The following MTSS1 variants were observed in gnomAD, a reference collection of about 807,000 sequenced individuals.
The protein encoded by MTSS1 is protein MTSS 1.
MTSS1 carries 18 observed loss-of-function variants against 79.0 expected under a neutral mutation model. The observed-to-expected ratio is 0.23, with a 90% CI of 0.16 to 0.34. The LOEUF is 0.34. Ranked by LOEUF, MTSS1 falls within the 10% of genes least tolerant of loss-of-function variation. The probability of loss-of-function intolerance (pLI) is 1.00; values close to 1 mark genes in which losing one functional copy is unlikely to be tolerated. For synonymous variants in MTSS1, 341 were observed against 368.6 expected, an observed-to-expected ratio of 0.93 and a Z score of 0.86; for missense variants, 815 against 986.2, an observed-to-expected ratio of 0.83 and a Z score of 2.33.
Position 124,552,904 on chromosome 8 carries a change from TTG to T in MTSS1, c.*86_*87del. ...TATTCCGAGTTGCCTACAAAATCTT[TTG>T]TTTTATTATAGAGTGGAATGGATCA... On this transcript the variant is annotated 3_prime_UTR_variant, in exon 14 of 14. Coordinates refer to ENST00000518547, the MANE Select transcript of MTSS1 (RefSeq NM_014751.6). 1 of 1,365,268 alleles carries T rather than the reference TTG, an allele frequency of 7.3e-7. No individual in the cohort carries two copies. The highest frequency in any genetic ancestry group is 1.0e-6 in the Non-Finnish European group (1 of 999,748). 84.6% of individuals were successfully genotyped at this position (1,365,268 alleles called of 1,614,324 possible). A position where few individuals can be genotyped will look rare whatever the true frequency, so the allele number is the denominator to read the frequency against.
chr8:124,690,459 G>C (rs549216777), intron 3 of MTSS1, among the ~76,000 whole-genome samples: 1 of 152,274 alleles, frequency 6.6e-6, no homozygotes, highest in South Asian at 2.1e-4. Context: ...GATATGTTTT[G>C]GTAAATGTGG....
At chr8:124,712,299 T>C (rs955184133) in intron 1 of MTSS1, among the ~76,000 whole-genome samples, 3 of 152,088 alleles carry the variant, frequency 2.0e-5, no homozygotes, top group Admixed American at 6.5e-5. Context: ...GTGAGGAACA[T>C]AGCCAACAGC....
At chr8:124,672,973 A>G (rs921897424) in intron 3 of MTSS1, among the ~76,000 whole-genome samples, 5 of 152,162 alleles carry the variant, frequency 3.3e-5, no homozygotes, top group Admixed American at 3.3e-4. Flanking sequence ...TTTATTGTCC[A>G]GGAAAGAGAG....
chr8:124,621,448 G>A (rs982403382), intron 3 of MTSS1, among the ~76,000 whole-genome samples: 1 of 152,202 alleles, frequency 6.6e-6, no homozygotes, highest in African/African-American at 2.4e-5. Context: ...CAGGCCCATG[G>A]GCAGAAGGGG....
intron 3 of MTSS1, among the ~76,000 whole-genome samples, chr8:124,676,493 G>A (rs1350095895): frequency 6.6e-6 from 1 of 152,228 alleles, no homozygotes; most frequent in African/African-American, 2.4e-5. Context: ...GTGGACAGAC[G>A]CAAATGTGAG....
At chr8:124,590,311 C>G (rs546626004) in intron 4 of MTSS1, among the ~76,000 whole-genome samples, 1 of 152,322 alleles carries the variant, frequency 6.6e-6, no homozygotes, top group East Asian at 1.9e-4. Context: ...CAACAGGGAC[C>G]CCCAAAATGC....
intron 10 of MTSS1, 31 bp from the exon 11 acceptor site, chr8:124,557,906 G>GAAAA: frequency 1.3e-6 from 2 of 1,505,862 alleles, no homozygotes; most frequent in Admixed American, 2.1e-5. Flanking sequence ...GGGGGGGGAA[G>GAAAA]GAAAAAAAAT....
chr8:124,674,911 G>A (rs1275423440), intron 3 of MTSS1, among the ~76,000 whole-genome samples: 5 of 151,704 alleles, frequency 3.3e-5, no homozygotes, highest in African/African-American at 1.2e-4. Flanking sequence ...TAGTAGAGAC[G>A]GGGTTTTACC....
chr8:124,701,820 A>G (rs1341082751), intron 2 of MTSS1, among the ~76,000 whole-genome samples: 2 of 152,250 alleles, frequency 1.3e-5, no homozygotes, highest in African/African-American at 4.8e-5. Flanking sequence ...ACAGAAACAC[A>G]GAGGAGTGAT....
intron 6 of MTSS1, among the ~76,000 whole-genome samples, chr8:124,572,061 C>T (rs1042930960): frequency 6.6e-6 from 1 of 152,032 alleles, no homozygotes; most frequent in African/African-American, 2.4e-5. Context: ...AGTTATAAGG[C>T]ACATGTCTAT....
intron 3 of MTSS1, among the ~76,000 whole-genome samples, chr8:124,672,328 T>C (rs1015716602): frequency 2.0e-5 from 3 of 152,122 alleles, no homozygotes; most frequent in Non-Finnish European, 4.4e-5. Flanking sequence ...ACCCCATCTC[T>C]ACCAAAAATA....
At chr8:124,603,953 G>A (rs1834358115) in intron 3 of MTSS1, among the ~76,000 whole-genome samples, 1 of 152,104 alleles carries the variant, frequency 6.6e-6, no homozygotes. Context: ...AATGATAGCT[G>A]ATGAGCTAAA....
In MTSS1 at chr8:124,724,976, G is replaced by A. The variant is rs114992796; in HGVS notation, c.72+2908C>T. ...ACTCACACCAGCCAATTTGATCAGC[G>A]ATTTACTAATTTGCATGGATGGGAG... is the stretch of plus-strand genomic sequence containing the variant. On this transcript the variant is annotated intron_variant, in intron 1 of 13. Transcript: ENST00000518547. 8.6e-3 allele frequency among the ~76,000 whole-genome samples: 1,311 copies of A among 152,248 alleles called. 16 individuals are homozygous for A. Among genetic ancestry groups the A allele is most frequent in the African/African-American group, 0.029 (1,220 of 41,530 alleles).
At chr8:124,640,072 C>G (rs1817742027) in intron 3 of MTSS1, among the ~76,000 whole-genome samples, 1 of 152,212 alleles carries the variant, frequency 6.6e-6, no homozygotes, top group African/African-American at 2.4e-5. Context: ...CAGTGCTGGA[C>G]AGTTGTCCAT....
chr8:124,656,038 A>G (rs1391544993), intron 3 of MTSS1, among the ~76,000 whole-genome samples: 3 of 152,230 alleles, frequency 2.0e-5, no homozygotes, highest in Non-Finnish European at 4.4e-5. Context: ...TGATATAATC[A>G]GAAGGAGAAA....
intron 3 of MTSS1, among the ~76,000 whole-genome samples, chr8:124,626,949 C>T (rs993383729): frequency 7.2e-5 from 11 of 152,208 alleles, no homozygotes; most frequent in South Asian, 2.1e-4. Context: ...GTCAGCAGCC[C>T]GCACCCAGCC....
chr8:124,714,022 C>T (rs1450413767), intron 1 of MTSS1, among the ~76,000 whole-genome samples: 2 of 152,216 alleles, frequency 1.3e-5, no homozygotes, highest in African/African-American at 2.4e-5. Flanking sequence ...GCTGGGATTA[C>T]AAGCAAGAGC....
intron 1 of MTSS1, among the ~76,000 whole-genome samples, chr8:124,720,102 G>C (rs1416189798): frequency 1.3e-5 from 2 of 152,252 alleles, no homozygotes; most frequent in African/African-American, 2.4e-5. Context: ...GGAGGCACCA[G>C]AGAATAAGGT....
intron 3 of MTSS1, among the ~76,000 whole-genome samples, chr8:124,623,076 C>T (rs1813926064): frequency 6.6e-6 from 1 of 152,246 alleles, no homozygotes; most frequent in Non-Finnish European, 1.5e-5. Flanking sequence ...AGAGGAAGCA[C>T]TCAAGTGGTT....
Sources: allele counts gnomAD v4.1 joint callset (sites outside exome capture counted in the v4.1 genomes callset), GRCh38; gene constraint gnomAD v4.1.1; transcripts MANE v1.5; gene names NCBI Gene and HGNC (gene_info 2026-07-23, HGNC 2026-07-21).